The following TRAPPC9 variants were observed in gnomAD, a reference collection of about 807,000 sequenced individuals.
TRAPPC9 encodes IKK2 binding protein.
Under a neutral mutation model 124.0 loss-of-function variants are expected in TRAPPC9, and 83 were observed. The observed-to-expected ratio is 0.67, with a 90% CI of 0.56 to 0.80. TRAPPC9 has a LOEUF of 0.80. TRAPPC9 is among the 30% of genes least tolerant of loss of function. TRAPPC9 has a pLI of 0.00. For missense variants in TRAPPC9, 1,302 were observed against 1,508.3 expected (o/e 0.86, Z 2.27); for synonymous variants, 638 against 617.5 (o/e 1.03, Z -0.49).
rs1835399313 is a variant in TRAPPC9 at position 139,962,167 on chromosome 8, T to C, written c.2810+26559A>G. On this transcript the variant is annotated intron_variant, in intron 19 of 22. Coordinates refer to ENST00000438773, the MANE Select transcript of TRAPPC9 (RefSeq NM_001160372.4). Reference sequence around the variant, plus strand: ...TCAATGACGCTCATCTTCATCTTGTTCACCCTTCATATGTCTTTGTACCTC... The same window carrying C: ...TCAATGACGCTCATCTTCATCTTGTCCACCCTTCATATGTCTTTGTACCTC... 2.4e-5 allele frequency among the ~76,000 whole-genome samples: 3 copies of C among 124,564 alleles called. 1 individual carries two copies. The South Asian group carries it at 8.2e-4, about 34-fold the overall frequency. 81.7% of individuals were successfully genotyped at this position (124,564 alleles called of 152,430 possible). A position where few individuals can be genotyped will look rare whatever the true frequency, so the allele number is the denominator to read the frequency against.
chr8:140,035,308 G>C (rs904436533), intron 17 of TRAPPC9, among the ~76,000 whole-genome samples: 1 of 152,206 alleles, frequency 6.6e-6, no homozygotes, highest in Non-Finnish European at 1.5e-5. Context: ...GTACTTGACA[G>C]CCAGCACTTC....
chr8:140,061,952 A>G (rs1842645569), intron 17 of TRAPPC9, among the ~76,000 whole-genome samples: 1 of 152,170 alleles, frequency 6.6e-6, no homozygotes, highest in Non-Finnish European at 1.5e-5. Flanking sequence ...CCTCCCACGC[A>G]TCTCCACATT....
chr8:140,414,554 CAAAT>C (rs2132480100), intron 5 of TRAPPC9, among the ~76,000 whole-genome samples: 1 of 151,944 alleles, frequency 6.6e-6, no homozygotes, highest in South Asian at 2.1e-4. Flanking sequence ...AATAAATAAA[CAAAT>C]AAATAACTGA....
chr8:139,956,145 G>A (rs1834964451), intron 19 of TRAPPC9, among the ~76,000 whole-genome samples: 1 of 152,020 alleles, frequency 6.6e-6, no homozygotes, highest in Admixed American at 6.6e-5. Flanking sequence ...CACCCTACAT[G>A]GGATGTTGTT....
intron 9 of TRAPPC9, among the ~76,000 whole-genome samples, chr8:140,359,533 A>C (rs2067870916): frequency 6.6e-6 from 1 of 152,024 alleles, no homozygotes; most frequent in East Asian, 1.9e-4. Flanking sequence ...TGCAAACCTC[A>C]TCTTTGGTTC....
At chr8:139,847,370 G>A (rs1258477665) in intron 21 of TRAPPC9, among the ~76,000 whole-genome samples, 1 of 152,254 alleles carries the variant, frequency 6.6e-6, no homozygotes, top group Non-Finnish European at 1.5e-5. Flanking sequence ...AATTAATTCA[G>A]TCAGAAGGAA....
intron 17 of TRAPPC9, among the ~76,000 whole-genome samples, chr8:140,119,636 T>C (rs1187138428): frequency 1.3e-5 from 2 of 152,228 alleles, no homozygotes; most frequent in South Asian, 2.1e-4. Flanking sequence ...CTTGAGTACA[T>C]AGTAACATTC....
rs200235924 is a variant in TRAPPC9, at chr8:140,283,924, C to T, written c.2079G>A (p.Ala693=). ...TSGSTVEVIP[A]LPRLQISTSL... ...AGGTGCTGATCTGCAGTCTTGGCAA[C>T]GCGGGAATGACTTCCACTGTGGAGC... The change falls in exon 14 of 23, where the codon GCG becomes GCA. Residue 693 remains alanine (A), a synonymous_variant. Coordinates refer to ENST00000438773, the MANE Select transcript of TRAPPC9 (RefSeq NM_001160372.4). 97 of 1,614,070 alleles carry T rather than the reference C, an allele frequency of 6.0e-5. 1 individual carries two copies. In the Admixed American group the frequency reaches 9.5e-4, roughly 16 times the overall value.
chr8:139,974,563 A>G (rs543767948), intron 19 of TRAPPC9, among the ~76,000 whole-genome samples: 2 of 152,278 alleles, frequency 1.3e-5, no homozygotes, highest in African/African-American at 4.8e-5. Flanking sequence ...AGAGGTTAAG[A>G]AAATGAAGTT....
At chr8:139,966,249 C>T (rs1449060428) in intron 19 of TRAPPC9, among the ~76,000 whole-genome samples, 2 of 152,202 alleles carry the variant, frequency 1.3e-5, no homozygotes, top group African/African-American at 4.8e-5. Context: ...TGCCAGATAA[C>T]CTGCATCCAA....
chr8:139,988,823 G>A lies in TRAPPC9; in HGVS notation c.2713C>T (p.His905Tyr). The A allele has an allele frequency of 6.4e-7, 1 of 1,550,518 alleles. No homozygotes were observed. The highest frequency in any genetic ancestry group is 8.7e-7 in the Non-Finnish European group (1 of 1,146,100). ...GAGTTGAAGACATCCAGGAGCAGGT[G>A]ACACTGCCGGGTACTGCGTTAAAGA... ...TLPATSTRQC[H>Y]LLLDVFNSTE... The change falls in exon 19 of 23, where the codon CAC (histidine) becomes TAC (tyrosine). Residue 905 changes from histidine to tyrosine, a missense_variant. By Grantham distance (83) the His-to-Tyr change is moderately conservative. Around this residue, in one of 3 missense-constraint regions of TRAPPC9, gnomAD observed 640 missense variants for 679.3 expected, o/e 0.94. Transcript: ENST00000438773.
intron 17 of TRAPPC9, among the ~76,000 whole-genome samples, chr8:140,140,597 T>C (rs1587794017): frequency 1.3e-5 from 2 of 152,286 alleles, no homozygotes; most frequent in Admixed American, 6.5e-5. Context: ...AGAACAATTG[T>C]ATGCACTTCA....
rs142363334 is a variant in TRAPPC9, at chr8:140,156,084, T to G, written c.2556+65375A>C. On this transcript the variant is annotated intron_variant, in intron 17 of 22. Transcript: ENST00000438773. ...ACCTCTCTGAGCCTCAGCTCACTCC[T>G]TGCTAAATGAAGGGGTAACATTCGA... Among the ~76,000 whole-genome samples, 1,504 of 152,280 alleles carry G rather than the reference T, an allele frequency of 9.9e-3. 25 individuals carry two copies. The highest frequency in any genetic ancestry group is 0.034 in the African/African-American group (1,404 of 41,548).
At chr8:140,125,343 A>G (rs570727481) in intron 17 of TRAPPC9, among the ~76,000 whole-genome samples, 1 of 152,326 alleles carries the variant, frequency 6.6e-6, no homozygotes, top group Admixed American at 6.5e-5. Flanking sequence ...GGCTGCGGTG[A>G]CCCAGGAAGC....
chr8:139,869,837 AAATT>A (rs1828783282), intron 21 of TRAPPC9, among the ~76,000 whole-genome samples: 2 of 152,260 alleles, frequency 1.3e-5, no homozygotes, highest in Non-Finnish European at 2.9e-5. Flanking sequence ...AGTGAAATAT[AAATT>A]AATTGCAGAA....
chr8:140,228,728 G>C (rs1156454590), intron 16 of TRAPPC9, among the ~76,000 whole-genome samples: 1 of 152,202 alleles, frequency 6.6e-6, no homozygotes, highest in African/African-American at 2.4e-5. Flanking sequence ...TCTAAACTTA[G>C]ACTGTGGGGA....
intron 11 of TRAPPC9, among the ~76,000 whole-genome samples, chr8:140,298,679 A>G (rs138607634): frequency 1.3e-5 from 2 of 152,176 alleles, no homozygotes; most frequent in African/African-American, 4.8e-5. Context: ...GATGTGCTAC[A>G]CGTAATGCTC....
intron 19 of TRAPPC9, among the ~76,000 whole-genome samples, chr8:139,980,834 C>T (rs1288688932): frequency 6.6e-6 from 1 of 152,140 alleles, no homozygotes; most frequent in Non-Finnish European, 1.5e-5. Context: ...ACACGCCCCC[C>T]ACCTTCCACG....
intron 2 of TRAPPC9, among the ~76,000 whole-genome samples, chr8:140,441,696 C>G (rs537147466): frequency 1.3e-5 from 2 of 152,208 alleles, no homozygotes; most frequent in East Asian, 3.9e-4. Flanking sequence ...TCCCAAGTAA[C>G]TGGGACTACA....
Sources: allele counts gnomAD v4.1 joint callset (sites outside exome capture counted in the v4.1 genomes callset), GRCh38; gene constraint gnomAD v4.1.1; regional missense constraint gnomAD v4.1.1; transcripts MANE v1.5; gene names NCBI Gene and HGNC (gene_info 2026-07-23, HGNC 2026-07-21).